ATP6V0A4: variants seen among roughly 807,000 people sequenced by gnomAD.
ATP6V0A4 encodes the protein ATPase H+ transporting V0 subunit a4.
ATP6V0A4 carries 86 observed loss-of-function variants against 107.3 expected under a neutral mutation model. The observed-to-expected ratio is 0.80, with a 90% CI of 0.67 to 0.96. The LOEUF is 0.96. Among genes scored for constraint, ATP6V0A4 ranks in the 40% least tolerant of loss-of-function variants. The pLI, the probability that ATP6V0A4 is intolerant of heterozygous loss-of-function variation, is 0.00. For synonymous variants in ATP6V0A4, 353 were observed against 381.4 expected (o/e 0.93, Z 0.87); for missense variants, 908 against 1,045.6 (o/e 0.87, Z 1.81).
At chr7:138,797,023 C>T (rs1231404635) in intron 1 of ATP6V0A4, among the ~76,000 whole-genome samples, 1 of 152,114 alleles carries the variant, frequency 6.6e-6, no homozygotes, top group East Asian at 1.9e-4. Context: ...CAGCTCTCCT[C>T]TTGCCTCCCC....
intron 2 of ATP6V0A4, among the ~76,000 whole-genome samples, chr7:138,778,322 C>G (rs1300972399): frequency 6.8e-6 from 1 of 146,716 alleles, no homozygotes; most frequent in African/African-American, 2.5e-5. Context: ...GATCGCGCCA[C>G]TGCACTCCAG....
chr7:138,717,097 A>C (rs1297626323), intron 19 of ATP6V0A4, among the ~76,000 whole-genome samples: 2 of 152,194 alleles, frequency 1.3e-5, no homozygotes, highest in Non-Finnish European at 2.9e-5. Context: ...GGAGGTGGGC[A>C]GTTGGCTCTC....
At chr7:138,779,358 A>T (rs71543308) in intron 2 of ATP6V0A4, among the ~76,000 whole-genome samples, 3 of 79,052 alleles carry the variant, frequency 3.8e-5, no homozygotes, top group East Asian at 2.9e-4. Context: ...AAAAAAAAAT[A>T]AATAAATAAA....
intron 15 of ATP6V0A4, among the ~76,000 whole-genome samples, chr7:138,737,127 T>TATATA (rs1365519910): frequency 3.8e-5 from 5 of 131,528 alleles, no homozygotes; most frequent in African/African-American, 1.4e-4. Context: ...TATATATATA[T>TATATA]GATACAAACT....
chr7:138,793,146 T>C (rs1397514318), intron 1 of ATP6V0A4, among the ~76,000 whole-genome samples: 1 of 151,786 alleles, frequency 6.6e-6, no homozygotes, highest in Non-Finnish European at 1.5e-5. Context: ...AATACAAAAA[T>C]TACCCGGGGG....
chr7:138,737,037 T>A lies in ATP6V0A4; in HGVS notation c.1572+2503A>T, dbSNP rs78418978. ...GATGAAGGCCAAATATTTTGTGATT[T>A]GATTCACAAATAGATGCCAAACGCA... On this transcript the variant is annotated intron_variant, in intron 15 of 21. Transcript: ENST00000310018. 2.0e-3 allele frequency among the ~76,000 whole-genome samples: 293 copies of A among 146,792 alleles called. 3 individuals are homozygous for A. The highest frequency in any genetic ancestry group is 7.1e-3 in the African/African-American group (282 of 39,744).
chr7:138,747,011 C>T (rs1438325580), intron 13 of ATP6V0A4, among the ~76,000 whole-genome samples: 1 of 151,992 alleles, frequency 6.6e-6, no homozygotes, highest in East Asian at 1.9e-4. Flanking sequence ...TTACTTGATG[C>T]CAATTTTTGA....
chr7:138,793,530 C>T (rs7801708), intron 1 of ATP6V0A4, among the ~76,000 whole-genome samples: 12,715 of 152,160 alleles, frequency 0.084, 1,723 homozygotes, highest in African/African-American at 0.29. Flanking sequence ...CTGAACCACA[C>T]AATTAGCACT....
chr7:138,773,147 C>T lies in ATP6V0A4; in HGVS notation c.-17-1883G>A, dbSNP rs1442864288. 6.6e-6 allele frequency among the ~76,000 whole-genome samples: 1 copy of T among 152,176 alleles called. No individual in the cohort carries two copies. Among genetic ancestry groups the T allele is most frequent in the Admixed American group, 6.5e-5 (1 of 15,282 alleles). ...TCGATACTGGGCCTACCCATTGTCC[C>T]AGTTTCACACAGGACCAACTCTAAA... On this transcript the variant is annotated intron_variant, in intron 2 of 21. Coordinates refer to ENST00000310018, the MANE Select transcript of ATP6V0A4 (RefSeq NM_020632.3). The surrounding 1 kb of genome is among the most constrained non-coding windows in gnomAD (Gnocchi z 5.4).
chr7:138,769,046 G>T, intron 4 of ATP6V0A4, 127 bp downstream of exon 4: 1 of 1,569,924 alleles, frequency 6.4e-7, no homozygotes, highest in Non-Finnish European at 8.6e-7. Flanking sequence ...CTCCAGGTGG[G>T]CCTCTGGGAC....
intron 1 of ATP6V0A4, 26 bp downstream of exon 1, chr7:138,798,008 G>T (rs944309357): frequency 1.3e-6 from 2 of 1,549,316 alleles, no homozygotes; most frequent in Non-Finnish European, 1.7e-6. Flanking sequence ...TTGCTTTCCA[G>T]CTCCTGCAGG....
At chr7:138,750,612 C>T (rs1806173214) in intron 11 of ATP6V0A4, among the ~76,000 whole-genome samples, 1 of 152,232 alleles carries the variant, frequency 6.6e-6, no homozygotes, top group African/African-American at 2.4e-5. Flanking sequence ...GATCTGACAC[C>T]AGCTGGACGA....
At chr7:138,779,431 T>A (rs570557666) in intron 2 of ATP6V0A4, among the ~76,000 whole-genome samples, 1 of 152,158 alleles carries the variant, frequency 6.6e-6, no homozygotes, top group African/African-American at 2.4e-5. Context: ...TTACTCAGTC[T>A]ACCCATTCAA....
chr7:138,775,270 C>T (rs1002182366), intron 2 of ATP6V0A4, among the ~76,000 whole-genome samples: 1 of 152,082 alleles, frequency 6.6e-6, no homozygotes, highest in Non-Finnish European at 1.5e-5. Context: ...ACCCACTTCC[C>T]CTCCCCACCT....
chr7:138,715,271 G>A (rs1049653763), intron 20 of ATP6V0A4, among the ~76,000 whole-genome samples: 2 of 152,118 alleles, frequency 1.3e-5, no homozygotes, highest in Admixed American at 6.6e-5. Context: ...ATGTGATCTC[G>A]GCTCACTGCG....
Position 138,731,625 on chromosome 7 carries a change from G to T in ATP6V0A4, c.1908+1252C>A, listed in dbSNP as rs1584906374. ...AATAAAATATTGGCCAGGTGTGGTG[G>T]TTCACACCTGTAATCCCAGCACTTT... On this transcript the variant is annotated intron_variant, in intron 17 of 21. Transcript: ENST00000310018. 2.0e-5 allele frequency among the ~76,000 whole-genome samples: 3 copies of T among 152,242 alleles called. No homozygotes were observed. In the East Asian group the frequency reaches 5.8e-4, roughly 29 times the overall value.
At chr7:138,726,285 G>A (rs1438150579) in intron 18 of ATP6V0A4, among the ~76,000 whole-genome samples, 2 of 152,220 alleles carry the variant, frequency 1.3e-5, no homozygotes, top group African/African-American at 2.4e-5. Flanking sequence ...CACCGTGCCC[G>A]GCCGAAGATT....
At chr7:138,751,292 A>G (rs1806211608) in intron 11 of ATP6V0A4, among the ~76,000 whole-genome samples, 1 of 152,060 alleles carries the variant, frequency 6.6e-6, no homozygotes, top group African/African-American at 2.4e-5. Flanking sequence ...CTGCTCCCAA[A>G]CGCAGTTCCC....
rs980119434 is a variant in ATP6V0A4 at position 138,706,881 on chromosome 7, T to C, written c.2430-164A>G. On this transcript the variant is annotated intron_variant, in intron 21 of 21. Coordinates refer to ENST00000310018, the MANE Select transcript of ATP6V0A4 (RefSeq NM_020632.3). ...CCCAGGCTGATGGCTGCCATGAGAA[T>C]CCTGAGGATTTTTTTTTTTTTTTTT... 1.1e-4 allele frequency: 57 copies of C among 531,460 alleles called. 1 individual carries two copies. The highest frequency in any genetic ancestry group is 9.5e-4 in the Middle Eastern group (1 of 1,058). 32.9% of individuals were successfully genotyped at this position (531,460 alleles called of 1,614,324 possible). A position where few individuals can be genotyped will look rare whatever the true frequency, so the allele number is the denominator to read the frequency against.
Sources: gnomAD v4.1 joint callset for allele counts (sites outside exome capture counted in the v4.1 genomes callset) on GRCh38, gnomAD v4.1.1 for gene constraint, Gnocchi (gnomAD v3.1) non-coding constraint, MANE v1.5 for transcripts, NCBI Gene and HGNC (gene_info 2026-07-23, HGNC 2026-07-21) for gene names.